Variants in POLE observed in about 807,000 individuals in gnomAD.
POLE encodes DNA polymerase epsilon catalytic subunit A.
A neutral mutation model predicts 279.2 loss-of-function variants in POLE; 188 were observed. The observed-to-expected ratio is 0.67, with a 90% CI of 0.60 to 0.76. POLE has a LOEUF of 0.76. Ranked by LOEUF, POLE falls within the 30% of genes least tolerant of loss-of-function variation. The pLI is 0.00. For missense variants in POLE, 2,703 were observed against 3,016.7 expected, an observed-to-expected ratio of 0.90 and a Z score of 2.44; for synonymous variants, 1,214 against 1,172.5, an observed-to-expected ratio of 1.04 and a Z score of -0.72.
chr12:132,657,558 G>A, intron 27 of POLE, 129 bp from the exon 28 acceptor site: 1 of 803,130 alleles, frequency 1.2e-6, no homozygotes, highest in Non-Finnish European at 2.0e-6. Context: ...ATGATGAAAG[G>A]TGCCCATTGC....
intron 25 of POLE, chr12:132,660,323 T>C (rs572854302): frequency 6.5e-6 from 1 of 152,726 alleles, no homozygotes; most frequent in East Asian, 1.9e-4. Context: ...TGGTGCTCCC[T>C]TGCTCGTGTG....
intron 10 of POLE, 42 bp downstream of exon 10, chr12:132,676,052 T>C: frequency 1.5e-6 from 2 of 1,316,102 alleles, no homozygotes; most frequent in Non-Finnish European, 2.2e-6. Flanking sequence ...ATGTCCGTTC[T>C]TCCCACAATA....
Position 132,626,310 on chromosome 12 carries a change from G to C in POLE, c.6338C>G (p.Ser2113Cys). 2 of 1,613,574 alleles carry C rather than the reference G, an allele frequency of 1.2e-6. No individual in the cohort carries two copies. The highest frequency in any genetic ancestry group is 1.7e-6 in the Non-Finnish European group (2 of 1,180,028). ...EFIKYVCKVL[S>C]LDTNITNQVN... ...CTGGTTTGTGATGTTGGTGTCCAGG[G>C]ACAGCACCTGCAGAGACCACAGCCC... Residue 2113 changes from serine (S) to cysteine (C), a missense_variant, in exon 46 of 49, where the codon TCC becomes TGC. By Grantham distance (112) the Ser-to-Cys change is moderately radical. This residue lies in a region of POLE where 1,551 missense variants were observed against 1,686.1 expected (regional missense o/e 0.92). Transcript: ENST00000320574.
Position 132,680,211 on chromosome 12 carries a change from G to C in POLE, c.297C>G (p.Pro99=). The change falls in exon 4 of 49, where the codon CCC becomes CCG. Residue 99 remains proline, a synonymous_variant. Transcript: ENST00000320574. ...DDGSRFKVAL[P]YKPYFYIATR... is the part of the protein sequence containing the mutation. ...TCGCAATGTAGAAATACGGTTTATA[G>C]GGCAAAGCCACCTGTTAAGAGTCAC... 1 of 1,614,052 alleles carries C rather than the reference G, an allele frequency of 6.2e-7. No individual in the cohort carries two copies. The highest frequency in any genetic ancestry group is 8.5e-7 in the Non-Finnish European group (1 of 1,179,902).
At chr12:132,631,505 C>T (rs2041932311) in intron 45 of POLE, among the ~76,000 whole-genome samples, 2 of 152,212 alleles carry the variant, frequency 1.3e-5, no homozygotes, top group Non-Finnish European at 2.9e-5. Flanking sequence ...TTCACCACAA[C>T]CAGACCTTGA....
chr12:132,681,865 A>G (rs185502442), intron 1 of POLE, among the ~76,000 whole-genome samples: 6 of 152,316 alleles, frequency 3.9e-5, no homozygotes, highest in African/African-American at 1.4e-4. Context: ...GAGTGCATGT[A>G]ACACTGACAT....
intron 29 of POLE, 133 bp downstream of exon 29, chr12:132,657,003 A>G (rs1593765431): frequency 3.3e-6 from 3 of 921,728 alleles, no homozygotes; most frequent in East Asian, 4.9e-5. Context: ...GCCAATGGGC[A>G]CATTTTCAGA....
rs748519694 is a variant in POLE, at chr12:132,665,346, G to A, written c.2424C>T (p.His808=). 5 of 1,614,022 alleles carry A rather than the reference G, an allele frequency of 3.1e-6. No homozygotes were observed. In the South Asian group the frequency reaches 4.4e-5, roughly 14 times the overall value. ...CATAGAAGGAGTTCAGGATGCACTTGTGGGCCAGCTGCAGCGAGTCATACA... is the reference window on the plus strand; with the variant it reads ...CATAGAAGGAGTTCAGGATGCACTTATGGGCCAGCTGCAGCGAGTCATACA... ...EVLYDSLQLA[H]KCILNSFYGY... The change falls in exon 21 of 49, where the codon CAC becomes CAT. Residue 808 remains histidine, a synonymous_variant. Coordinates refer to ENST00000320574, the MANE Select transcript of POLE (RefSeq NM_006231.4).
At chr12:132,662,309 A>G (rs772273305) in intron 23 of POLE, among the ~76,000 whole-genome samples, 1 of 152,266 alleles carries the variant, frequency 6.6e-6, no homozygotes, top group Non-Finnish European at 1.5e-5. Flanking sequence ...AATGCTGTAC[A>G]GTGGCTGGTG....
In POLE at chr12:132,673,664, G is replaced by C. The variant is rs483352909; in HGVS notation, c.1270C>G (p.Leu424Val). The C allele has an allele frequency of 6.2e-7, 1 of 1,614,018 alleles. No individual in the cohort carries two copies. The highest frequency in any genetic ancestry group is 8.5e-7 in the Non-Finnish European group (1 of 1,179,986). Reference protein sequence around the residue: ...DSYLPVGSHNLKAAAKAKLGY... With the variant: ...DSYLPVGSHNVKAAAKAKLGY... Reference sequence around the variant, plus strand: ...AGCTTGGCCTTGGCGGCCGCCTTGAGATTATGACTGCCCACAGGAAGGTAA... The same window carrying C: ...AGCTTGGCCTTGGCGGCCGCCTTGACATTATGACTGCCCACAGGAAGGTAA... The change falls in exon 13 of 49, where the codon CTC (leucine) becomes GTC (valine). Residue 424 changes from leucine to valine, a missense_variant. Leu to Val is a conservative substitution (Grantham distance 32, BLOSUM62 1). This residue lies in a region of POLE where 1,011 missense variants were observed against 1,111.7 expected (regional missense o/e 0.91). Transcript: ENST00000320574.
At chr12:132,681,080 G>A (rs1484744898) in intron 2 of POLE, 58 bp downstream of exon 2, 11 of 1,597,132 alleles carry the variant, frequency 6.9e-6, no homozygotes, top group African/African-American at 2.7e-5. Flanking sequence ...TAAGGACCAC[G>A]CTATGACCAG....
Position 132,637,928 on chromosome 12 carries a change from CAGG to C in POLE, c.5678+83_5678+85del. 5 of 1,484,544 alleles carry C rather than the reference CAGG, an allele frequency of 3.4e-6. No individual in the cohort carries two copies. In the Admixed American group the frequency reaches 5.3e-5, roughly 16 times the overall value. The allele number at this position is 1,484,544 out of a possible 1,614,324, so 92.0% of individuals were successfully genotyped here. ...ACTTCTAACGACCTCCCAGCCCACC[CAGG>C]AGGAGAGCTGGCACCTCAGGGGGTC... On this transcript the variant is annotated intron_variant, in intron 41 of 48. Coordinates refer to ENST00000320574, the MANE Select transcript of POLE (RefSeq NM_006231.4).
At chr12:132,666,797 T>C (rs894960670) in intron 20 of POLE, among the ~76,000 whole-genome samples, 1 of 152,278 alleles carries the variant, frequency 6.6e-6, no homozygotes, top group South Asian at 2.1e-4. Flanking sequence ...ATGGTGGTGA[T>C]AGTTGCACAA....
intron 45 of POLE, among the ~76,000 whole-genome samples, chr12:132,630,379 A>G (rs895226518): frequency 6.6e-5 from 10 of 152,216 alleles, no homozygotes; most frequent in Admixed American, 1.3e-4. Flanking sequence ...CACATTGTAT[A>G]AAAATTAACT....
chr12:132,665,920 C>T (rs909186664), intron 20 of POLE, among the ~76,000 whole-genome samples: 6 of 152,112 alleles, frequency 3.9e-5, no homozygotes, highest in South Asian at 4.1e-4. Flanking sequence ...CTCTGAAGCA[C>T]GAGACAGTCA....
chr12:132,673,093 C>T, intron 14 of POLE, 71 bp downstream of exon 14: 3 of 1,026,940 alleles, frequency 2.9e-6, no homozygotes, highest in South Asian at 2.6e-5. Flanking sequence ...CACCTCCATT[C>T]AGCTCCAGTG....
At position 132,657,224 on chromosome 12, in the gene POLE, T is replaced by C; in HGVS notation, c.3494A>G (p.Asp1165Gly). ...KNPVPRVKHP[D>G]WLHKKLLEKN... Reference sequence around the variant, plus strand: ...CTCCAGCAGTTTTTTGTGCAGCCAGTCGGGGTGTTTGACACGTGGCACTGG... The same window carrying C: ...CTCCAGCAGTTTTTTGTGCAGCCAGCCGGGGTGTTTGACACGTGGCACTGG... Residue 1165 changes from aspartate to glycine, a missense_variant, in exon 29 of 49, where the codon GAC (aspartate) becomes GGC (glycine). This residue lies in a region of POLE where 1,551 missense variants were observed against 1,686.1 expected (regional missense o/e 0.92). Transcript: ENST00000320574. 1 of 1,614,004 alleles carries C rather than the reference T, an allele frequency of 6.2e-7. No homozygotes were observed. The highest frequency in any genetic ancestry group is 1.1e-5 in the South Asian group (1 of 91,068).
Position 132,632,737 on chromosome 12 carries a change from C to T in POLE, c.6063G>A (p.Gly2021=), listed in dbSNP as rs1255778142. The T allele has an allele frequency of 4.3e-6, 7 of 1,613,366 alleles. No homozygotes were observed. The highest frequency in any genetic ancestry group is 5.9e-6 in the Non-Finnish European group (7 of 1,179,982). The part of the protein sequence containing the change: ...MKDGLRRSAP[G]STPVRRRGAS... Reference sequence around the variant, plus strand: ...CCCCCCTCCTCCTCACGGGGGTGCTCCCTGGAGCACTGCGCCTCAGCCCGT... The same window carrying T: ...CCCCCCTCCTCCTCACGGGGGTGCTTCCTGGAGCACTGCGCCTCAGCCCGT... The change falls in exon 44 of 49, where the codon GGG becomes GGA. Residue 2021 remains glycine (G), a synonymous_variant. Coordinates refer to ENST00000320574, the MANE Select transcript of POLE (RefSeq NM_006231.4).
intron 32 of POLE, among the ~76,000 whole-genome samples, chr12:132,644,445 G>A (rs2042230040): frequency 6.7e-6 from 1 of 148,994 alleles, no homozygotes; most frequent in Admixed American, 6.9e-5. Context: ...GAGCCACTAT[G>A]CCTGGCCTCT....
Sources: allele counts gnomAD v4.1 joint callset (sites outside exome capture counted in the v4.1 genomes callset), GRCh38; gene constraint gnomAD v4.1.1; regional missense constraint gnomAD v4.1.1; transcripts MANE v1.5; gene names NCBI Gene and HGNC (gene_info 2026-07-23, HGNC 2026-07-21).